Variants in ARFIP1 observed in about 807,000 individuals in gnomAD.
ARFIP1 encodes the protein arfaptin-1.
In ARFIP1, 24 loss-of-function variants were observed where a neutral mutation model predicts 42.5. The observed-to-expected ratio is 0.57, with a 90% CI of 0.41 to 0.80. ARFIP1 has a LOEUF of 0.80. ARFIP1 is among the 30% of genes least tolerant of loss of function. The pLI, the probability that ARFIP1 is intolerant of heterozygous loss-of-function variation, is 0.00. For synonymous variants in ARFIP1, 141 were observed against 153.7 expected, an observed-to-expected ratio of 0.92 and a Z score of 0.61; for missense variants, 354 against 434.0, an observed-to-expected ratio of 0.82 and a Z score of 1.64.
At chr4:152,884,429 T>A (rs1262715337) in intron 7 of ARFIP1, among the ~76,000 whole-genome samples, 1 of 152,036 alleles carries the variant, frequency 6.6e-6, no homozygotes, top group Non-Finnish European at 1.5e-5. Flanking sequence ...TGTCCTAATT[T>A]GTTCATAATG....
intron 1 of ARFIP1, among the ~76,000 whole-genome samples, chr4:152,790,185 T>A (rs1401273046): frequency 6.6e-6 from 1 of 152,244 alleles, no homozygotes. Flanking sequence ...AAAAATTACC[T>A]GTGAATATTG....
At chr4:152,818,314 C>T (rs185798997) in intron 1 of ARFIP1, among the ~76,000 whole-genome samples, 2 of 152,328 alleles carry the variant, frequency 1.3e-5, no homozygotes, top group African/African-American at 4.8e-5. Context: ...TGCCGTGACA[C>T]ACACTCCCAC....
intron 2 of ARFIP1, among the ~76,000 whole-genome samples, chr4:152,847,879 G>T (rs1055424303): frequency 3.9e-5 from 6 of 152,138 alleles, no homozygotes; most frequent in Admixed American, 3.9e-4. Flanking sequence ...CCCGTGGAAG[G>T]CCCAAAACAA....
intron 2 of ARFIP1, among the ~76,000 whole-genome samples, chr4:152,830,617 T>G (rs1357480598): frequency 2.0e-5 from 3 of 152,198 alleles, no homozygotes; most frequent in African/African-American, 2.4e-5. Flanking sequence ...TAGCAGAAGG[T>G]GATAACTTAA....
At chr4:152,826,009 T>G (rs1730804360) in intron 1 of ARFIP1, among the ~76,000 whole-genome samples, 1 of 151,852 alleles carries the variant, frequency 6.6e-6, no homozygotes, top group South Asian at 2.1e-4. Context: ...AAAGTAGATG[T>G]TGGCATGAAT....
chr4:152,854,102 G>A (rs757030446), intron 2 of ARFIP1, among the ~76,000 whole-genome samples: 16 of 151,446 alleles, frequency 1.1e-4, no homozygotes, highest in African/African-American at 1.9e-4. Context: ...TAGTAGAGGC[G>A]GGGTTTCACC....
intron 1 of ARFIP1, among the ~76,000 whole-genome samples, chr4:152,816,245 G>A (rs902860386): frequency 6.6e-6 from 1 of 152,204 alleles, no homozygotes; most frequent in African/African-American, 2.4e-5. Context: ...AAAACTCTCA[G>A]CTAGATTTTC....
rs1233586882 is a variant in ARFIP1 at position 152,889,790 on chromosome 4, T to TA, written c.966+1483_966+1484insA. On this transcript the variant is annotated intron_variant, in intron 8 of 8. Coordinates refer to ENST00000353617, the MANE Select transcript of ARFIP1 (RefSeq NM_001025595.3). ...TACTATATACTATATATACTATATA[T>TA]TATATACTATACTATATACTATATA... is the stretch of plus-strand genomic sequence containing the variant. Among the ~76,000 whole-genome samples, 81 of 20,760 alleles carry TA rather than the reference T, an allele frequency of 3.9e-3. 5 individuals carry two copies. The highest frequency in any genetic ancestry group is 0.012 in the African/African-American group (57 of 4,636). The allele number at this position is 20,760 out of a possible 152,430, so 13.6% of individuals were successfully genotyped here. A position where few individuals can be genotyped will look rare whatever the true frequency, so the allele number is the denominator to read the frequency against.
chr4:152,880,720 G>A (rs1383775770), intron 5 of ARFIP1, among the ~76,000 whole-genome samples: 1 of 152,156 alleles, frequency 6.6e-6, no homozygotes, highest in Non-Finnish European at 1.5e-5. Flanking sequence ...AATTATGTGA[G>A]AGAGTTCTTA....
intron 3 of ARFIP1, among the ~76,000 whole-genome samples, chr4:152,864,054 A>G (rs1173682892): frequency 6.6e-6 from 1 of 152,208 alleles, no homozygotes; most frequent in Non-Finnish European, 1.5e-5. Context: ...TTATAAATAC[A>G]TATTTCTTAT....
chr4:152,791,295 T>G (rs1049508486), intron 1 of ARFIP1, among the ~76,000 whole-genome samples: 11 of 152,228 alleles, frequency 7.2e-5, no homozygotes, highest in Non-Finnish European at 1.3e-4. Flanking sequence ...TTCGTTTTTC[T>G]TCTTGTTAGG....
intron 2 of ARFIP1, among the ~76,000 whole-genome samples, chr4:152,853,372 T>C (rs115744865): frequency 1.6e-3 from 238 of 152,374 alleles, no homozygotes; most frequent in African/African-American, 5.3e-3. Context: ...GGTGATGAAT[T>C]ACCTCAGCTT....
intron 2 of ARFIP1, among the ~76,000 whole-genome samples, chr4:152,831,893 A>T (rs62319896): frequency 0.38 from 57,867 of 151,832 alleles, 12,076 homozygotes; most frequent in Admixed American, 0.5. Context: ...TAAGCCCTGC[A>T]TGCATTAGGT....
intron 3 of ARFIP1, among the ~76,000 whole-genome samples, chr4:152,866,282 A>G (rs954425248): frequency 7.0e-4 from 107 of 152,370 alleles, no homozygotes; most frequent in African/African-American, 2.5e-3. Flanking sequence ...CTACACAGAC[A>G]CAGCAACCAT....
At chr4:152,908,136 G>A (rs925484187) in intron 8 of ARFIP1, among the ~76,000 whole-genome samples, 1 of 152,092 alleles carries the variant, frequency 6.6e-6, no homozygotes, top group African/African-American at 2.4e-5. Flanking sequence ...AGCCATTCCT[G>A]TTTCCTCCTC....
At chr4:152,815,694 C>T (rs953609022) in intron 1 of ARFIP1, among the ~76,000 whole-genome samples, 5 of 148,090 alleles carry the variant, frequency 3.4e-5, no homozygotes, top group South Asian at 2.1e-4. Flanking sequence ...GTAAGGAATT[C>T]GTGTTGTCTT....
At chr4:152,812,553 T>G (rs1450647106) in intron 1 of ARFIP1, among the ~76,000 whole-genome samples, 2 of 152,224 alleles carry the variant, frequency 1.3e-5, no homozygotes, top group Admixed American at 1.3e-4. Context: ...TTCTTAACAG[T>G]TAATGCCATC....
intron 2 of ARFIP1, among the ~76,000 whole-genome samples, chr4:152,841,988 T>C (rs1732123247): frequency 6.6e-6 from 1 of 152,170 alleles, no homozygotes; most frequent in Admixed American, 6.5e-5. Context: ...ACTTGGGTTT[T>C]CCTGTTGAGA....
chr4:152,812,513 A>G (rs755202707), intron 1 of ARFIP1, among the ~76,000 whole-genome samples: 34 of 152,248 alleles, frequency 2.2e-4, no homozygotes, highest in Non-Finnish European at 4.6e-4. Flanking sequence ...TTAATGTTCC[A>G]CACGATTCTT....
Sources: gnomAD v4.1 joint callset for allele counts (sites outside exome capture counted in the v4.1 genomes callset) on GRCh38, gnomAD v4.1.1 for gene constraint, MANE v1.5 for transcripts, NCBI Gene and HGNC (gene_info 2026-07-23, HGNC 2026-07-21) for gene names.